Variants in LRRC1 observed in about 807,000 individuals in gnomAD.
LRRC1 encodes the protein leucine-rich repeat-containing protein 1.
LRRC1 carries 28 observed loss-of-function variants against 69.9 expected under a neutral mutation model. The ratio of observed to expected loss-of-function variants is 0.40; its 90% confidence interval spans 0.30 to 0.55. LRRC1 has a LOEUF of 0.55. LRRC1 is among the 20% of genes least tolerant of loss of function. The pLI, the probability that LRRC1 is intolerant of heterozygous loss-of-function variation, is 0.47. For synonymous variants in LRRC1, 236 were observed against 240.2 expected (o/e 0.98, Z 0.16); for missense variants, 498 against 609.0 (o/e 0.82, Z 1.92).
At chr6:53,901,400 T>A (rs1404547844) in intron 8 of LRRC1, among the ~76,000 whole-genome samples, 1 of 151,862 alleles carries the variant, frequency 6.6e-6, no homozygotes, top group Non-Finnish European at 1.5e-5. Flanking sequence ...ATTAGCCAAG[T>A]GGGGTGGCAC....
At chr6:53,892,388 C>T (rs191872203) in intron 4 of LRRC1, among the ~76,000 whole-genome samples, 56 of 152,302 alleles carry the variant, frequency 3.7e-4, no homozygotes, top group Non-Finnish European at 6.5e-4. Flanking sequence ...GATTCTTTCT[C>T]GTATCTCTGT....
At chr6:53,883,991 G>T (rs1343654351) in intron 4 of LRRC1, 3 of 717,918 alleles carry the variant, frequency 4.2e-6, no homozygotes, top group East Asian at 2.7e-5. Flanking sequence ...CCAGCAAGTT[G>T]GTGTTTTTCT....
intron 2 of LRRC1, among the ~76,000 whole-genome samples, chr6:53,867,141 T>G (rs1232403974): frequency 6.6e-6 from 1 of 152,116 alleles, no homozygotes; most frequent in African/African-American, 2.4e-5. Flanking sequence ...ATTGGGTGCC[T>G]CAGTTTGCTG....
At chr6:53,813,544 TTTTTTC>T (rs1008337362) in intron 1 of LRRC1, among the ~76,000 whole-genome samples, 13 of 145,468 alleles carry the variant, frequency 8.9e-5, no homozygotes, top group Non-Finnish European at 1.6e-4. Flanking sequence ...TGGTTTTTTT[TTTTTTC>T]TTTTTTTTTC....
intron 1 of LRRC1, among the ~76,000 whole-genome samples, chr6:53,815,011 C>G (rs769142574): frequency 6.6e-6 from 1 of 151,660 alleles, no homozygotes; most frequent in Non-Finnish European, 1.5e-5. Flanking sequence ...TGGCTGGTCA[C>G]TTGTTGCGGG....
intron 13 of LRRC1, among the ~76,000 whole-genome samples, chr6:53,921,811 G>T (rs547198264): frequency 6.6e-6 from 1 of 152,028 alleles, no homozygotes; most frequent in East Asian, 1.9e-4. Flanking sequence ...ATTTACAATC[G>T]TAAAGGGCAA....
intron 1 of LRRC1, among the ~76,000 whole-genome samples, chr6:53,827,764 A>G (rs1339419598): frequency 6.6e-6 from 1 of 152,176 alleles, no homozygotes; most frequent in Non-Finnish European, 1.5e-5. Flanking sequence ...TGGCTCTGAT[A>G]CCTTCCATGC....
At chr6:53,876,624 G>A (rs759682834) in intron 2 of LRRC1, among the ~76,000 whole-genome samples, 2 of 152,144 alleles carry the variant, frequency 1.3e-5, no homozygotes, top group Non-Finnish European at 2.9e-5. Context: ...GGAGACATTG[G>A]CCAAAACAAA....
chr6:53,917,964 A>G (rs1354988061), intron 11 of LRRC1, among the ~76,000 whole-genome samples: 3 of 152,372 alleles, frequency 2.0e-5, no homozygotes, highest in Non-Finnish European at 1.5e-5. Flanking sequence ...GAATTTTTGT[A>G]TAAGCACAAG....
chr6:53,865,775 A>AC (rs1174304519), intron 2 of LRRC1, among the ~76,000 whole-genome samples: 1 of 151,026 alleles, frequency 6.6e-6, no homozygotes, highest in Non-Finnish European at 1.5e-5. Context: ...AGGCTGGAGT[A>AC]CAGTGGTGTG....
intron 2 of LRRC1, among the ~76,000 whole-genome samples, chr6:53,853,471 G>T (rs1490417817): frequency 6.6e-6 from 1 of 151,988 alleles, no homozygotes; most frequent in Non-Finnish European, 1.5e-5. Flanking sequence ...ATTTAGTAGA[G>T]ACGGGGTTTC....
intron 2 of LRRC1, among the ~76,000 whole-genome samples, chr6:53,864,549 G>A (rs1468892384): frequency 6.6e-6 from 1 of 152,134 alleles, no homozygotes; most frequent in East Asian, 1.9e-4. Flanking sequence ...TCACATGTCA[G>A]CAGAATGACC....
intron 2 of LRRC1, among the ~76,000 whole-genome samples, chr6:53,853,282 ATTTTTTTT>A (rs59868633): frequency 7.7e-6 from 1 of 130,268 alleles, no homozygotes; most frequent in Non-Finnish European, 1.6e-5. Context: ...GGTGGTTCAT[ATTTTTTTT>A]TTTTTTTTTT....
intron 1 of LRRC1, among the ~76,000 whole-genome samples, chr6:53,834,047 C>G (rs549351466): frequency 3.9e-5 from 6 of 152,150 alleles, no homozygotes; most frequent in Non-Finnish European, 8.8e-5. Flanking sequence ...CTCTGTGATA[C>G]CTCCCCTATT....
intron 2 of LRRC1, 137 bp downstream of exon 2, chr6:53,842,364 C>T (rs1402184623): frequency 8.2e-6 from 5 of 609,514 alleles, no homozygotes; most frequent in East Asian, 2.7e-5. Flanking sequence ...TGATGGTTTC[C>T]AGCTTCATCC....
intron 1 of LRRC1, among the ~76,000 whole-genome samples, chr6:53,826,406 C>A (rs1169000980): frequency 6.6e-6 from 1 of 152,098 alleles, no homozygotes; most frequent in Non-Finnish European, 1.5e-5. Context: ...CCAAGAGAGA[C>A]CACAAAAGGA....
chr6:53,878,846 A>C (rs1767164215), intron 2 of LRRC1, 147 bp from the exon 3 acceptor site: 2 of 504,628 alleles, frequency 4.0e-6, no homozygotes, highest in South Asian at 5.8e-5. Context: ...GCAAATATAA[A>C]TATATTAAAA....
Position 53,920,334 on chromosome 6 carries a change from G to A in LRRC1, c.1280-291G>A, listed in dbSNP as rs530272293. Among the ~76,000 whole-genome samples the A allele has an allele frequency of 2.0e-5, 3 of 152,290 alleles. No individual in the cohort carries two copies. In the South Asian group the frequency reaches 6.2e-4, roughly 32 times the overall value. ...AAGGGACTCTAAATTATGACATTCT[G>A]TGATGAAATAGTAAACATATTAATT... On this transcript the variant is annotated intron_variant, in intron 12 of 13. Coordinates refer to ENST00000370888, the MANE Select transcript of LRRC1 (RefSeq NM_018214.5).
At chr6:53,847,769 C>G (rs1419681528) in intron 2 of LRRC1, among the ~76,000 whole-genome samples, 1 of 152,182 alleles carries the variant, frequency 6.6e-6, no homozygotes, top group Non-Finnish European at 1.5e-5. Flanking sequence ...CAATCTCGAA[C>G]CCTGTTGAAA....
Sources: gnomAD v4.1 joint callset for allele counts (sites outside exome capture counted in the v4.1 genomes callset) on GRCh38, gnomAD v4.1.1 for gene constraint, MANE v1.5 for transcripts, NCBI Gene and HGNC (gene_info 2026-07-23, HGNC 2026-07-21) for gene names.